The following PRKD1 variants were observed in gnomAD, a reference collection of about 807,000 sequenced individuals.
PRKD1 encodes serine/threonine-protein kinase D1.
PRKD1 carries 63 observed loss-of-function variants against 95.9 expected under a neutral mutation model. The observed-to-expected ratio is 0.66, with a 90% CI of 0.54 to 0.81. The LOEUF (loss-of-function observed/expected upper bound fraction) is 0.81. Ranked by LOEUF, PRKD1 falls within the 30% of genes least tolerant of loss-of-function variation. The pLI is 0.00. For synonymous variants in PRKD1, 425 were observed against 423.1 expected (o/e 1.00, Z -0.05); for missense variants, 1,048 against 1,165.3 (o/e 0.90, Z 1.47).
At chr14:29,750,616 G>GCGCACA (rs72239992) in intron 1 of PRKD1, among the ~76,000 whole-genome samples, 281 of 148,482 alleles carry the variant, frequency 1.9e-3, no homozygotes, top group African/African-American at 6.4e-3. Flanking sequence ...ATGAACGCGC[G>GCGCACA]CACACACACA....
chr14:29,892,258 C>CT (rs1469831561), intron 1 of PRKD1, among the ~76,000 whole-genome samples: 2 of 152,144 alleles, frequency 1.3e-5, no homozygotes, highest in African/African-American at 2.4e-5. Context: ...TAACACCTTG[C>CT]TTGACAAGCA....
intron 1 of PRKD1, among the ~76,000 whole-genome samples, chr14:29,906,020 C>T (rs1204239728): frequency 2.0e-5 from 3 of 152,022 alleles, no homozygotes; most frequent in Non-Finnish European, 4.4e-5. Context: ...AAATTTAAAA[C>T]ACATGAGGTG....
intron 2 of PRKD1, among the ~76,000 whole-genome samples, chr14:29,683,132 T>C (rs576197879): frequency 3.6e-4 from 55 of 152,152 alleles, no homozygotes; most frequent in African/African-American, 1.3e-3. Flanking sequence ...AGAGGAAGGA[T>C]TGCAGAGAAG....
intron 1 of PRKD1, among the ~76,000 whole-genome samples, chr14:29,748,797 T>C (rs1887348275): frequency 6.6e-6 from 1 of 152,198 alleles, no homozygotes; most frequent in African/African-American, 2.4e-5. Context: ...TAATGTACCA[T>C]GCCATCTTTA....
At chr14:29,816,759 C>T (rs1445889058) in intron 1 of PRKD1, among the ~76,000 whole-genome samples, 3 of 152,066 alleles carry the variant, frequency 2.0e-5, no homozygotes, top group Non-Finnish European at 4.4e-5. Flanking sequence ...AGCTGTCATC[C>T]AGGATATTGT....
chr14:29,876,610 G>A (rs1893298640), intron 1 of PRKD1, among the ~76,000 whole-genome samples: 1 of 151,014 alleles, frequency 6.6e-6, no homozygotes, highest in South Asian at 2.1e-4. Context: ...TCATGACAGT[G>A]AGACAATGCC....
intron 1 of PRKD1, among the ~76,000 whole-genome samples, chr14:29,838,114 C>A (rs1041400783): frequency 6.6e-6 from 1 of 152,014 alleles, no homozygotes; most frequent in Non-Finnish European, 1.5e-5. Flanking sequence ...CTTTGTGAAG[C>A]GAAATGGATT....
rs1894793035 is a variant in PRKD1 at position 29,913,599 on chromosome 14, T to C, written c.264+13650A>G. ...TAGTTTTTCATTCTTCAAAAATGTATGGAAGCCACTGGGTTTATGTAAATA... is the reference window on the plus strand; with the variant it reads ...TAGTTTTTCATTCTTCAAAAATGTACGGAAGCCACTGGGTTTATGTAAATA... On this transcript the variant is annotated intron_variant, in intron 1 of 17. Transcript: ENST00000331968. Among the ~76,000 whole-genome samples the C allele has an allele frequency of 6.6e-5, 10 of 152,344 alleles. No homozygotes were observed. The South Asian group carries it at 2.1e-3, about 32-fold the overall frequency.
chr14:29,903,895 C>G (rs1438554918), intron 1 of PRKD1, among the ~76,000 whole-genome samples: 1 of 151,778 alleles, frequency 6.6e-6, no homozygotes, highest in Admixed American at 6.6e-5. Flanking sequence ...ATAAAGATAC[C>G]AAGAAACTGA....
At chr14:29,763,407 A>AGGGAGAAGGG (rs1306191622) in intron 1 of PRKD1, among the ~76,000 whole-genome samples, 2 of 83,432 alleles carry the variant, frequency 2.4e-5, no homozygotes, top group Non-Finnish European at 4.7e-5. Flanking sequence ...GGAGGGAGGG[A>AGGGAGAAGGG]GGGAGAAGGG....
intron 2 of PRKD1, among the ~76,000 whole-genome samples, chr14:29,694,638 T>C (rs1044927375): frequency 4.6e-5 from 7 of 152,108 alleles, no homozygotes; most frequent in Non-Finnish European, 8.8e-5. Context: ...TCATGTAGTA[T>C]GTTAGGTAGT....
At chr14:29,700,307 T>G (rs932745326) in intron 2 of PRKD1, among the ~76,000 whole-genome samples, 1 of 152,220 alleles carries the variant, frequency 6.6e-6, no homozygotes, top group Non-Finnish European at 1.5e-5. Context: ...GTTTTAAAAC[T>G]TGTTTTTATA....
chr14:29,828,521 C>T (rs957955947), intron 1 of PRKD1, among the ~76,000 whole-genome samples: 5 of 152,096 alleles, frequency 3.3e-5, no homozygotes, highest in Non-Finnish European at 4.4e-5. Context: ...ACATCCAAAC[C>T]ATATCAATAT....
intron 1 of PRKD1, among the ~76,000 whole-genome samples, chr14:29,862,374 G>T (rs559462567): frequency 1.3e-5 from 2 of 152,152 alleles, no homozygotes; most frequent in African/African-American, 2.4e-5. Flanking sequence ...TTTCGGGGAG[G>T]GGGGTGGTAT....
At chr14:29,895,675 A>G (rs1050482513) in intron 1 of PRKD1, among the ~76,000 whole-genome samples, 2 of 152,156 alleles carry the variant, frequency 1.3e-5, no homozygotes, top group African/African-American at 4.8e-5. Flanking sequence ...CCAGCCTGGC[A>G]GCCTCGCTGC....
rs1594582086 is a variant in PRKD1 at position 29,858,501 on chromosome 14, A to G, written c.264+68748T>C. Among the ~76,000 whole-genome samples, 4 of 152,284 alleles carry G rather than the reference A, an allele frequency of 2.6e-5. 1 individual carries two copies. In the South Asian group the frequency reaches 8.3e-4, roughly 32 times the overall value. On this transcript the variant is annotated intron_variant, in intron 1 of 17. Transcript: ENST00000331968. ...CCCAGTTCCCCATTTCTAGTTTCAC[A>G]CCAGAAGAACATGACTACGTTCTGA...
At chr14:29,594,234 T>C in intron 16 of PRKD1, 1 of 397,150 alleles carries the variant, frequency 2.5e-6, no homozygotes, top group South Asian at 1.9e-5. Flanking sequence ...TGCATGTTAT[T>C]AAGATTGTAA....
At chr14:29,624,739 A>G (rs544995554) in intron 12 of PRKD1, among the ~76,000 whole-genome samples, 1 of 152,292 alleles carries the variant, frequency 6.6e-6, no homozygotes, top group East Asian at 1.9e-4. Flanking sequence ...TTCCTCATCT[A>G]CAATGAGGAG....
At chr14:29,808,036 A>G (rs1271581354) in intron 1 of PRKD1, among the ~76,000 whole-genome samples, 1 of 152,106 alleles carries the variant, frequency 6.6e-6, no homozygotes, top group Non-Finnish European at 1.5e-5. Context: ...ATTTCTTAAC[A>G]TAAGACAACA....
Sources: allele counts gnomAD v4.1 joint callset (sites outside exome capture counted in the v4.1 genomes callset), GRCh38; gene constraint gnomAD v4.1.1; transcripts MANE v1.5; gene names NCBI Gene and HGNC (gene_info 2026-07-23, HGNC 2026-07-21).